The following KCNJ3 variants were observed in gnomAD, a reference collection of about 807,000 sequenced individuals.
KCNJ3 encodes the protein G protein-activated inward rectifier potassium channel 1.
KCNJ3 carries 4 observed loss-of-function variants against 39.2 expected under a neutral mutation model. The ratio of observed to expected loss-of-function variants is 0.10; its 90% confidence interval spans 0.05 to 0.23. KCNJ3 has a LOEUF of 0.23. Among genes scored for constraint, KCNJ3 ranks in the 10% least tolerant of loss-of-function variants. The probability of loss-of-function intolerance (pLI) is 1.00; values close to 1 mark genes in which losing one functional copy is unlikely to be tolerated. For missense variants in KCNJ3, 276 were observed against 634.9 expected (o/e 0.43, Z 6.08); for synonymous variants, 230 against 237.4 (o/e 0.97, Z 0.29).
intron 2 of KCNJ3, among the ~76,000 whole-genome samples, chr2:154,770,144 G>A (rs1254430206): frequency 6.6e-6 from 1 of 152,106 alleles, no homozygotes; most frequent in Non-Finnish European, 1.5e-5. Context: ...ACAATTCTCA[G>A]TATCAAACAT....
intron 2 of KCNJ3, among the ~76,000 whole-genome samples, chr2:154,807,873 A>T (rs2105098803): frequency 6.6e-6 from 1 of 152,216 alleles, no homozygotes; most frequent in Middle Eastern, 3.4e-3. Flanking sequence ...AAAGACAAAA[A>T]GATCGTTAGT....
In KCNJ3 at chr2:154,854,733, C is replaced by T; in HGVS notation, c.926C>T (p.Thr309Ile). ...LEGIVETTGM[T>I]CQARTSYTED... ...ATTTTCTCTTTTCTTGTAGGGATGACTTGTCAAGCTCGAACATCATATACT... is the reference window on the plus strand; with the variant it reads ...ATTTTCTCTTTTCTTGTAGGGATGATTTGTCAAGCTCGAACATCATATACT... The change falls in exon 3 of 3, where the codon ACT (threonine) becomes ATT (isoleucine). Residue 309 changes from threonine to isoleucine, a missense_variant. Thr to Ile is a moderately conservative substitution (Grantham distance 89, BLOSUM62 -1). This residue lies in a region of KCNJ3 where 77 missense variants were observed against 200.0 expected (regional missense o/e 0.38). Coordinates refer to ENST00000295101, the MANE Select transcript of KCNJ3 (RefSeq NM_002239.4). The T allele has an allele frequency of 6.2e-7, 1 of 1,601,188 alleles. No homozygotes were observed. Among genetic ancestry groups the T allele is most frequent in the Non-Finnish European group, 8.5e-7 (1 of 1,170,706 alleles).
At chr2:154,781,791 G>C (rs1686443851) in intron 2 of KCNJ3, among the ~76,000 whole-genome samples, 1 of 152,142 alleles carries the variant, frequency 6.6e-6, no homozygotes, top group Non-Finnish European at 1.5e-5. Context: ...TAGAGATTAT[G>C]ATGTAAATGT....
At chr2:154,723,013 G>A (rs1368628582) in intron 2 of KCNJ3, among the ~76,000 whole-genome samples, 1 of 152,152 alleles carries the variant, frequency 6.6e-6, no homozygotes, top group Non-Finnish European at 1.5e-5. Context: ...GAGCATGGTG[G>A]CTCGTGCCTG....
intron 2 of KCNJ3, among the ~76,000 whole-genome samples, chr2:154,793,929 A>T (rs1255241588): frequency 6.6e-6 from 1 of 151,948 alleles, no homozygotes; most frequent in East Asian, 1.9e-4. Context: ...GAGCCCAAAC[A>T]TTATGGTATA....
chr2:154,707,779 C>T (rs1439217605), intron 1 of KCNJ3, among the ~76,000 whole-genome samples: 4 of 152,094 alleles, frequency 2.6e-5, no homozygotes, highest in Non-Finnish European at 5.9e-5. Flanking sequence ...TATATAGCAC[C>T]TGTTTCTTAG....
intron 2 of KCNJ3, 29 bp from the exon 3 acceptor site, chr2:154,854,698 T>C: frequency 6.4e-7 from 1 of 1,553,300 alleles, no homozygotes; most frequent in Non-Finnish European, 8.8e-7. Context: ...CTATGCATAA[T>C]TTATCAAGAA....
At chr2:154,759,588 T>C (rs1044941532) in intron 2 of KCNJ3, among the ~76,000 whole-genome samples, 1 of 152,056 alleles carries the variant, frequency 6.6e-6, no homozygotes, top group Non-Finnish European at 1.5e-5. Context: ...TATAGATAGA[T>C]AGAGATACAT....
intron 2 of KCNJ3, among the ~76,000 whole-genome samples, chr2:154,783,457 AT>A (rs1686474753): frequency 6.6e-6 from 1 of 152,188 alleles, no homozygotes; most frequent in African/African-American, 2.4e-5. Flanking sequence ...AAGGCTCTTT[AT>A]TATATTTTCC....
At chr2:154,706,235 T>C (rs1685006418) in intron 1 of KCNJ3, among the ~76,000 whole-genome samples, 1 of 152,146 alleles carries the variant, frequency 6.6e-6, no homozygotes, top group Admixed American at 6.6e-5. Context: ...ATCCTGGTTC[T>C]ATGTTTTCTC....
chr2:154,794,280 C>T (rs1330161346), intron 2 of KCNJ3, among the ~76,000 whole-genome samples: 4 of 151,870 alleles, frequency 2.6e-5, no homozygotes, highest in East Asian at 3.9e-4. Flanking sequence ...AATGATTTTA[C>T]GTTAAAACTT....
intron 2 of KCNJ3, among the ~76,000 whole-genome samples, chr2:154,809,957 ATTTAT>A (rs1321005694): frequency 6.6e-6 from 1 of 152,042 alleles, no homozygotes; most frequent in Non-Finnish European, 1.5e-5. Context: ...GCATGCACAG[ATTTAT>A]TTTATTTACA....
chr2:154,701,794 C>G (rs1003616881), intron 1 of KCNJ3, among the ~76,000 whole-genome samples: 2 of 152,004 alleles, frequency 1.3e-5, no homozygotes, highest in Non-Finnish European at 2.9e-5. Flanking sequence ...TATATTTAAA[C>G]AAAATTATGG....
intron 2 of KCNJ3, among the ~76,000 whole-genome samples, chr2:154,802,467 GT>G (rs923286459): frequency 5.9e-5 from 9 of 151,994 alleles, no homozygotes; most frequent in African/African-American, 2.2e-4. Context: ...TTTTCATAGT[GT>G]TTTTGAATAA....
chr2:154,828,898 T>TATC (rs1478782739), intron 2 of KCNJ3, among the ~76,000 whole-genome samples: 5 of 152,148 alleles, frequency 3.3e-5, no homozygotes, highest in African/African-American at 1.2e-4. Flanking sequence ...CAATTAAGTA[T>TATC]ATCAAAAATA....
intron 2 of KCNJ3, among the ~76,000 whole-genome samples, chr2:154,713,878 C>G (rs569692419): frequency 2.6e-5 from 4 of 152,184 alleles, no homozygotes; most frequent in Non-Finnish European, 5.9e-5. Flanking sequence ...TTTCTGTACT[C>G]TCAGGCCTGC....
chr2:154,851,507 G>A (rs190320427), intron 2 of KCNJ3, among the ~76,000 whole-genome samples: 62 of 152,320 alleles, frequency 4.1e-4, no homozygotes, highest in African/African-American at 1.5e-3. Flanking sequence ...GAGAAGATAT[G>A]TTGTTATCTC....
At chr2:154,739,649 A>T (rs1039370899) in intron 2 of KCNJ3, among the ~76,000 whole-genome samples, 2 of 151,996 alleles carry the variant, frequency 1.3e-5, no homozygotes, top group African/African-American at 4.8e-5. Flanking sequence ...TCTTTCAAAT[A>T]CTTCTTCTAT....
At position 154,856,771 on chromosome 2, in the gene KCNJ3, A is replaced by G. The variant is rs1687846426; in HGVS notation, c.*1458A>G. The G allele has an allele frequency of 6.6e-6, 1 of 152,182 alleles. No homozygotes were observed. The highest frequency in any genetic ancestry group is 1.5e-5 in the Non-Finnish European group (1 of 68,030). The allele number at this position is 152,182 out of a possible 1,614,324, so 9.4% of individuals were successfully genotyped here. On this transcript the variant is annotated 3_prime_UTR_variant, in exon 3 of 3. Coordinates refer to ENST00000295101, the MANE Select transcript of KCNJ3 (RefSeq NM_002239.4). ...TGACTCATTAGCAGGAATCAAAACT[A>G]GTGATCAGTAGAACACTTTCAAAAT...
Sources: gnomAD v4.1 joint callset for allele counts (sites outside exome capture counted in the v4.1 genomes callset) on GRCh38, gnomAD v4.1.1 for gene constraint, gnomAD v4.1.1 regional missense constraint, MANE v1.5 for transcripts, NCBI Gene and HGNC (gene_info 2026-07-23, HGNC 2026-07-21) for gene names.